TIMP2: variants seen among roughly 807,000 people sequenced by gnomAD.
The protein encoded by TIMP2 is metalloproteinase inhibitor 2.
Under a neutral mutation model 24.3 loss-of-function variants are expected in TIMP2, and 5 were observed. The ratio of observed to expected loss-of-function variants is 0.21; its 90% CI spans 0.11 to 0.43. The LOEUF (loss-of-function observed/expected upper bound fraction) is 0.43, where lower values mean the gene tolerates loss of function less well. TIMP2 is among the 20% of genes least tolerant of loss of function. The probability of loss-of-function intolerance (pLI) is 1.00; values close to 1 mark genes in which losing one functional copy is unlikely to be tolerated. For missense variants in TIMP2, 221 were observed against 297.5 expected, an observed-to-expected ratio of 0.74 and a Z score of 1.89; for synonymous variants, 130 against 123.2, an observed-to-expected ratio of 1.06 and a Z score of -0.37.
chr17:78,870,138 G>A (rs1007926241), intron 3 of TIMP2, among the ~76,000 whole-genome samples: 4 of 152,158 alleles, frequency 2.6e-5, no homozygotes, highest in East Asian at 1.9e-4. Context: ...ATGGTTGGCC[G>A]GGCGCGGTGG....
chr17:78,877,958 G>A (rs190073769), intron 1 of TIMP2, among the ~76,000 whole-genome samples: 244 of 152,006 alleles, frequency 1.6e-3, no homozygotes, highest in Admixed American at 0.014. Context: ...CGCCTGCCTC[G>A]GCCTCCCAAC....
Position 78,855,326 on chromosome 17 carries a change from T to G in TIMP2, c.*341A>C, listed in dbSNP as rs752961618. 1.3e-5 allele frequency: 5 copies of G among 374,768 alleles called. No homozygotes were observed. Among genetic ancestry groups the G allele is most frequent in the Non-Finnish European group, 2.5e-5 (5 of 198,548 alleles). The allele number at this position is 374,768 out of a possible 1,614,324, so 23.2% of individuals were successfully genotyped here. ...TTTCCAGGCCCTGCCCTAACCCAGC[T>G]GGGAGATCCCTAAGTGCTGCCTGCT... On this transcript the variant is annotated 3_prime_UTR_variant, in exon 5 of 5. Coordinates refer to ENST00000262768, the MANE Select transcript of TIMP2 (RefSeq NM_003255.5). The surrounding 1 kb of genome is among the most constrained non-coding windows in gnomAD (Gnocchi z 6.0).
In TIMP2 at chr17:78,911,272, G is replaced by A. The variant is rs141683927; in HGVS notation, c.130+13687C>T. ...CCGTGTGGAATGGAAAGGGGAAGCT[G>A]GTCTTCCTGCCCCACACTCCTGCCT... On this transcript the variant is annotated intron_variant, in intron 1 of 4. Coordinates refer to ENST00000262768, the MANE Select transcript of TIMP2 (RefSeq NM_003255.5). Among the ~76,000 whole-genome samples, 76 of 152,170 alleles carry A rather than the reference G, an allele frequency of 5.0e-4. 1 individual carries two copies. Among genetic ancestry groups the A allele is most frequent in the African/African-American group, 1.6e-3 (65 of 41,528 alleles).
chr17:78,901,669 TCA>T, intron 1 of TIMP2: 1 of 712,190 alleles, frequency 1.4e-6, no homozygotes, highest in Non-Finnish European at 2.6e-6. Context: ...TCTGGGTGCC[TCA>T]GTTTGCTCTT....
intron 1 of TIMP2, among the ~76,000 whole-genome samples, chr17:78,895,973 AG>A (rs1210143187): frequency 6.6e-6 from 1 of 152,258 alleles, no homozygotes; most frequent in Admixed American, 6.5e-5. Flanking sequence ...ACCCCGTGCC[AG>A]CCCCACTGGC....
intron 3 of TIMP2, among the ~76,000 whole-genome samples, chr17:78,858,443 A>C (rs796414942): frequency 2.6e-5 from 4 of 151,824 alleles, no homozygotes; most frequent in African/African-American, 4.8e-5. Flanking sequence ...AGCGAGACTC[A>C]GTCTAAAAAA....
chr17:78,867,638 C>T (rs1196547385), intron 3 of TIMP2, among the ~76,000 whole-genome samples: 1 of 149,502 alleles, frequency 6.7e-6, no homozygotes, highest in Non-Finnish European at 1.5e-5. Context: ...CTCTGTCGCC[C>T]AGACTGGAGT....
intron 1 of TIMP2, among the ~76,000 whole-genome samples, chr17:78,886,517 A>G (rs936833227): frequency 1.3e-5 from 2 of 152,162 alleles, no homozygotes; most frequent in African/African-American, 4.8e-5. Context: ...ATAGCTGGGC[A>G]CAAGGCAAGT....
At chr17:78,907,501 C>T (rs1425181592) in intron 1 of TIMP2, among the ~76,000 whole-genome samples, 2 of 152,198 alleles carry the variant, frequency 1.3e-5, no homozygotes, top group African/African-American at 4.8e-5. Context: ...CATGTGGGCA[C>T]AGTTCATGGT....
At chr17:78,861,286 T>A (rs952017141) in intron 3 of TIMP2, among the ~76,000 whole-genome samples, 1 of 152,216 alleles carries the variant, frequency 6.6e-6, no homozygotes, top group African/African-American at 2.4e-5. Context: ...TATGGTGATT[T>A]CCACTGTATG....
At chr17:78,910,485 C>G (rs1053876711) in intron 1 of TIMP2, among the ~76,000 whole-genome samples, 3 of 152,176 alleles carry the variant, frequency 2.0e-5, no homozygotes, top group Admixed American at 1.3e-4. Flanking sequence ...GGGCCACCGC[C>G]TGGCCTATTG....
rs111654265 is a variant in TIMP2, at chr17:78,891,350, C to T, written c.131-17431G>A. ...CTTCCCTCTTGGGGTCCCAGCGCCA[C>T]ACTCTTGCATCTCTGAGAAGGCATG... On this transcript the variant is annotated intron_variant, in intron 1 of 4. Transcript: ENST00000262768. The surrounding 1 kb of genome is among the most constrained non-coding windows in gnomAD (Gnocchi z 4.5). 1.3e-6 allele frequency: 2 copies of T among 1,550,450 alleles called. No individual in the cohort carries two copies. The highest frequency in any genetic ancestry group is 2.4e-5 in the South Asian group (2 of 84,064).
In TIMP2 at chr17:78,887,665, A is replaced by G. The variant is rs58187380; in HGVS notation, c.131-13746T>C. Among the ~76,000 whole-genome samples the G allele has an allele frequency of 2.1e-3, 317 of 151,770 alleles. 6 individuals are homozygous for G. In the East Asian group the frequency reaches 0.052, roughly 25 times the overall value. On this transcript the variant is annotated intron_variant, in intron 1 of 4. Coordinates refer to ENST00000262768, the MANE Select transcript of TIMP2 (RefSeq NM_003255.5). ...CTCTCACAGTGCTGGGATTACAGGT[A>G]TGAGCAAACGCGCCCAGCCTCATAT...
intron 1 of TIMP2, among the ~76,000 whole-genome samples, chr17:78,907,010 C>T (rs1276670250): frequency 1.1e-4 from 17 of 152,136 alleles, no homozygotes; most frequent in Non-Finnish European, 2.5e-4. Flanking sequence ...TTCAACACGC[C>T]TTCCTCACTA....
At chr17:78,877,134 C>T (rs2145757730) in intron 1 of TIMP2, among the ~76,000 whole-genome samples, 1 of 152,298 alleles carries the variant, frequency 6.6e-6, no homozygotes, top group Middle Eastern at 3.4e-3. Flanking sequence ...GGGCTGGTGG[C>T]CCAGGTGCAG....
At chr17:78,893,023 G>A (rs1391310840) in intron 1 of TIMP2, among the ~76,000 whole-genome samples, 1 of 152,142 alleles carries the variant, frequency 6.6e-6, no homozygotes, top group Non-Finnish European at 1.5e-5. Flanking sequence ...AGGAAAGGAG[G>A]AAGAGACGGG....
intron 1 of TIMP2, among the ~76,000 whole-genome samples, chr17:78,895,310 C>T (rs533368282): frequency 1.3e-5 from 2 of 152,200 alleles, no homozygotes; most frequent in Admixed American, 1.3e-4. Context: ...TAAAAATCAG[C>T]AACAGATTTA....
chr17:78,857,739 G>A (rs7216727), intron 3 of TIMP2, 93 bp from the exon 4 acceptor site: 44 of 1,539,194 alleles, frequency 2.9e-5, no homozygotes, highest in Middle Eastern at 2.3e-4. Context: ...CTGGGATTTC[G>A]TTGCAACAAT....
intron 3 of TIMP2, among the ~76,000 whole-genome samples, chr17:78,868,423 G>A (rs1209054495): frequency 6.6e-6 from 1 of 151,916 alleles, no homozygotes; most frequent in Non-Finnish European, 1.5e-5. Context: ...GCTAATTTTT[G>A]TATTTTTAGT....
Sources: allele counts gnomAD v4.1 joint callset (sites outside exome capture counted in the v4.1 genomes callset), GRCh38; gene constraint gnomAD v4.1.1; non-coding constraint Gnocchi (gnomAD v3.1); transcripts MANE v1.5; gene names NCBI Gene and HGNC (gene_info 2026-07-23, HGNC 2026-07-21).